Variants in URI1 observed in about 807,000 individuals in gnomAD.
URI1 encodes the protein URI1 prefoldin like chaperone.
URI1 carries 39 observed loss-of-function variants against 60.2 expected under a neutral mutation model. The ratio of observed to expected loss-of-function variants is 0.65; its 90% confidence interval spans 0.50 to 0.85. The LOEUF (loss-of-function observed/expected upper bound fraction) is 0.85. Ranked by LOEUF, URI1 falls within the 40% of genes least tolerant of loss-of-function variation. The pLI is 0.00. For missense variants in URI1, 691 were observed against 665.9 expected (o/e 1.04, Z -0.42); for synonymous variants, 251 against 236.8 (o/e 1.06, Z -0.55).
chr19:30,015,292 C>G lies in URI1; in HGVS notation c.*223C>G. 1 of 1,418,180 alleles carries G rather than the reference C, an allele frequency of 7.1e-7. No homozygotes were observed. The highest frequency in any genetic ancestry group is 1.6e-5 in the South Asian group (1 of 60,962). The allele number at this position is 1,418,180 out of a possible 1,614,324, so 87.8% of individuals were successfully genotyped here. A position where few individuals can be genotyped will look rare whatever the true frequency, so the allele number is the denominator to read the frequency against. ...GTGAATTCTCTGAATACTGTCAACA[C>G]TCTTATCTAAGTTTGCCTTTATGAT... On this transcript the variant is annotated 3_prime_UTR_variant, in exon 11 of 11. Transcript: ENST00000392271.
intron 7 of URI1, 21 bp downstream of exon 7, chr19:30,007,659 T>A: frequency 6.4e-7 from 1 of 1,552,914 alleles, no homozygotes; most frequent in Non-Finnish European, 8.7e-7. Flanking sequence ...ACAAATTATC[T>A]TTCCAAGATA....
intron 2 of URI1, among the ~76,000 whole-genome samples, chr19:29,978,311 A>G (rs2055550865): frequency 6.6e-6 from 1 of 152,150 alleles, no homozygotes. Context: ...ATAGTCCTTG[A>G]TGACGACGTG....
Position 30,009,126 on chromosome 19 carries a change from A to G in URI1, c.808A>G (p.Lys270Glu). 6.2e-7 allele frequency: 1 copy of G among 1,614,062 alleles called. No individual in the cohort carries two copies. ...AACAGACTCTCATACTCCTTGTCAT[A>G]AGGATGTTGCAAGTTCAGAACCATT... ...QVTDSHTPCH[K>E]DVASSEPFSG... Residue 270 changes from lysine to glutamate, a missense_variant, in exon 8 of 11, where the codon AAG (lysine) becomes GAG (glutamate). Physicochemically the swap from Lys to Glu is moderately conservative, Grantham distance 56 (BLOSUM62 1). Transcript: ENST00000392271.
intron 2 of URI1, among the ~76,000 whole-genome samples, chr19:29,976,530 G>A (rs984932915): frequency 1.1e-4 from 17 of 152,324 alleles, no homozygotes; most frequent in Admixed American, 2.6e-4. Context: ...AAGGGCCAGC[G>A]CAGATTCACA....
At chr19:30,001,660 G>A (rs1444566196) in intron 4 of URI1, among the ~76,000 whole-genome samples, 1 of 151,852 alleles carries the variant, frequency 6.6e-6, no homozygotes, top group Admixed American at 6.6e-5. Flanking sequence ...CAAGTGAATT[G>A]CCTTTTCCAG....
chr19:29,943,667 A>C (rs2055061536), intron 1 of URI1, among the ~76,000 whole-genome samples: 1 of 152,040 alleles, frequency 6.6e-6, no homozygotes, highest in African/African-American at 2.4e-5. Context: ...GGGTTTTGAT[A>C]GAACTTAAAA....
intron 1 of URI1, among the ~76,000 whole-genome samples, chr19:29,945,282 G>C (rs566707546): frequency 6.6e-6 from 1 of 152,290 alleles, no homozygotes; most frequent in South Asian, 2.1e-4. Flanking sequence ...ATTGAGAGGG[G>C]CTGGTAGGTA....
Position 30,012,171 on chromosome 19 carries a change from G to A in URI1, c.1179-114G>A, listed in dbSNP as rs559691660. 604 of 1,243,810 alleles carry A rather than the reference G, an allele frequency of 4.9e-4. 1 individual carries two copies. The highest frequency in any genetic ancestry group is 3.8e-3 in the Middle Eastern group (15 of 3,954). 77.0% of individuals were successfully genotyped at this position (1,243,810 alleles called of 1,614,324 possible). A position where few individuals can be genotyped will look rare whatever the true frequency, so the allele number is the denominator to read the frequency against. On this transcript the variant is annotated intron_variant, in intron 9 of 10. Transcript: ENST00000392271. ...TTGTGACTATTTTAGATATAAGATTGTAATAAAAATTTTCAGATTAATTTC... is the reference window on the plus strand; with the variant it reads ...TTGTGACTATTTTAGATATAAGATTATAATAAAAATTTTCAGATTAATTTC...
intron 1 of URI1, among the ~76,000 whole-genome samples, chr19:29,933,639 G>A (rs936628206): frequency 2.6e-5 from 4 of 151,720 alleles, no homozygotes; most frequent in South Asian, 2.1e-4. Flanking sequence ...TGGGCAACAC[G>A]GTGAAACCCT....
chr19:29,964,418 A>G (rs2055363655), intron 1 of URI1, among the ~76,000 whole-genome samples: 2 of 149,128 alleles, frequency 1.3e-5, no homozygotes, highest in African/African-American at 2.5e-5. Flanking sequence ...TTTTTACTAC[A>G]GTCTCACTGA....
chr19:29,929,861 C>A (rs1279094234), intron 1 of URI1, among the ~76,000 whole-genome samples: 3 of 151,874 alleles, frequency 2.0e-5, no homozygotes, highest in Non-Finnish European at 2.9e-5. Context: ...TGATATTAAA[C>A]CCTTATATAT....
chr19:29,991,035 T>G (rs1397201440), intron 4 of URI1, among the ~76,000 whole-genome samples: 1 of 152,152 alleles, frequency 6.6e-6, no homozygotes, highest in East Asian at 1.9e-4. Context: ...TTCCTTAAAG[T>G]TGGTAGTACG....
At chr19:29,979,708 T>G (rs1394561668) in intron 2 of URI1, among the ~76,000 whole-genome samples, 2 of 152,068 alleles carry the variant, frequency 1.3e-5, no homozygotes, top group African/African-American at 4.8e-5. Flanking sequence ...AGTTTTCTGA[T>G]GGACTCATAA....
At chr19:30,009,409 T>G (rs954349245) in intron 8 of URI1, 56 bp downstream of exon 8, 5 of 1,454,838 alleles carry the variant, frequency 3.4e-6, no homozygotes, top group South Asian at 1.3e-5. Context: ...TTAAGCATTA[T>G]GATATTTTTT....
At chr19:29,955,342 T>G (rs2055232255) in intron 1 of URI1, among the ~76,000 whole-genome samples, 1 of 152,112 alleles carries the variant, frequency 6.6e-6, no homozygotes, top group African/African-American at 2.4e-5. Context: ...TTGATGGGCA[T>G]TTGGTGTTTT....
At chr19:29,959,208 T>A (rs2055290204) in intron 1 of URI1, among the ~76,000 whole-genome samples, 1 of 152,178 alleles carries the variant, frequency 6.6e-6, no homozygotes, top group African/African-American at 2.4e-5. Flanking sequence ...CATTGCATCC[T>A]GGAACTCCCA....
chr19:29,927,859 C>A (rs375179464), intron 1 of URI1, among the ~76,000 whole-genome samples: 1 of 151,978 alleles, frequency 6.6e-6, no homozygotes, highest in East Asian at 1.9e-4. Flanking sequence ...TTAGGCGTGA[C>A]CTACGGTGCC....
chr19:29,948,517 G>C (rs1364506486), intron 1 of URI1, among the ~76,000 whole-genome samples: 1 of 152,052 alleles, frequency 6.6e-6, no homozygotes, highest in Non-Finnish European at 1.5e-5. Flanking sequence ...TGTTCTGTAA[G>C]TTCTGTAACT....
At chr19:30,010,083 G>A (rs1268079656) in intron 8 of URI1, among the ~76,000 whole-genome samples, 1 of 152,078 alleles carries the variant, frequency 6.6e-6, no homozygotes, top group East Asian at 1.9e-4. Context: ...GGGGACACTG[G>A]GAATTCGTCT....
Sources: gnomAD v4.1 joint callset for allele counts (sites outside exome capture counted in the v4.1 genomes callset) on GRCh38, gnomAD v4.1.1 for gene constraint, MANE v1.5 for transcripts, NCBI Gene and HGNC (gene_info 2026-07-23, HGNC 2026-07-21) for gene names.